The following TMC4 variants were observed in gnomAD, a reference collection of about 807,000 sequenced individuals.
TMC4 encodes voltage-gated chloride channel TMC4.
A neutral mutation model predicts 82.0 loss-of-function variants in TMC4; 70 were observed. The ratio of observed to expected loss-of-function variants is 0.85; its 90% confidence interval spans 0.70 to 1.04. The LOEUF is 1.04. TMC4 is among the 50% of genes least tolerant of loss of function. The probability of loss-of-function intolerance (pLI) is 0.00; values close to 1 mark genes in which losing one functional copy is unlikely to be tolerated. For missense variants in TMC4, 879 were observed against 899.0 expected, an observed-to-expected ratio of 0.98 and a Z score of 0.28; for synonymous variants, 446 against 406.0, an observed-to-expected ratio of 1.10 and a Z score of -1.18.
chr19:54,165,768 G>C (rs1296873521), intron 5 of TMC4, among the ~76,000 whole-genome samples: 2 of 152,118 alleles, frequency 1.3e-5, no homozygotes, highest in African/African-American at 2.4e-5. Flanking sequence ...GAGATTCAGA[G>C]ACAGTTCTGG....
rs114097463 is a variant in TMC4 at position 54,171,570 on chromosome 19, G to T, written c.293+300C>A. On this transcript the variant is annotated intron_variant, in intron 2 of 14. Coordinates refer to ENST00000619895, the MANE Select transcript of TMC4 (RefSeq NM_144686.4). ...AAGCAGAGAGAAATAAATATTAACA[G>T]ATTTTGGACACACACACAGAGAGAA... Among the ~76,000 whole-genome samples the T allele has an allele frequency of 3.6e-3, 555 of 152,318 alleles. 4 individuals are homozygous for T. Among genetic ancestry groups the T allele is most frequent in the African/African-American group, 0.013 (538 of 41,566 alleles).
Position 54,164,590 on chromosome 19 carries a change from C to T in TMC4, c.957G>A (p.Glu319=), listed in dbSNP as rs2146882467. 6.2e-7 allele frequency: 1 copy of T among 1,613,394 alleles called. No homozygotes were observed. The highest frequency in any genetic ancestry group is 8.5e-7 in the Non-Finnish European group (1 of 1,179,988). Residue 319 remains glutamate (E), a synonymous_variant, in exon 7 of 15, where the codon GAG becomes GAA. Coordinates refer to ENST00000619895, the MANE Select transcript of TMC4 (RefSeq NM_144686.4). ...CAGCCTGGCGCCGCACCACTGTCTC[C>T]TCCAGCTCCACCTGAAGGCAGGAGA... ...IILYELKVEL[E]ETVVRRQAAV...
rs1419105308 is a variant in TMC4 at position 54,160,929 on chromosome 19, A to G, written c.1922T>C (p.Leu641Pro). 1 of 1,614,176 alleles carries G rather than the reference A, an allele frequency of 6.2e-7. No individual in the cohort carries two copies. The highest frequency in any genetic ancestry group is 1.7e-5 in the Admixed American group (1 of 60,026). ...AAAAGCCTGGGTCCCCAGGAAGAAG[A>G]GGAAATTCTGGGTGGTCTCAGGGAG... ...SSLPETTQNF[L>P]FFLGTQAFAV... The change falls in exon 13 of 15, where the codon CTC becomes CCC. Residue 641 changes from leucine (L) to proline (P), a missense_variant. Physicochemically the swap from Leu to Pro is moderately conservative, Grantham distance 98 (BLOSUM62 -3). Transcript: ENST00000619895.
At chr19:54,167,853 C>T (rs962073238) in intron 5 of TMC4, among the ~76,000 whole-genome samples, 66 of 151,512 alleles carry the variant, frequency 4.4e-4, no homozygotes, top group Non-Finnish European at 4.4e-5. Context: ...ACGAGGTCAG[C>T]AGTTCAAGAC....
intron 13 of TMC4, 134 bp downstream of exon 13, chr19:54,160,744 G>T: frequency 7.1e-7 from 1 of 1,410,170 alleles, no homozygotes; most frequent in Non-Finnish European, 9.5e-7. Context: ...CAGCAGTCCA[G>T]GAGCCTAGGC....
intron 7 of TMC4, 90 bp from the exon 8 acceptor site, chr19:54,163,977 C>CCTTTT (rs1293150899): frequency 2.9e-6 from 3 of 1,020,146 alleles, no homozygotes; most frequent in African/African-American, 3.8e-5. Flanking sequence ...TCTTCTTCTT[C>CCTTTT]TTTTTTTTTT....
intron 6 of TMC4, 72 bp downstream of exon 6, chr19:54,165,347 G>T: frequency 1.4e-6 from 2 of 1,468,066 alleles, no homozygotes; most frequent in Non-Finnish European, 1.8e-6. Flanking sequence ...CACCGAGTTA[G>T]GCCCTGTGCG....
chr19:54,160,898 C>CA lies in TMC4; in HGVS notation c.1952dup (p.Pro652AlafsTer18). ...CTCACCTGGAGATCAGCAGAAGGGG[C>CA]ACAGCAAAAGCCTGGGTCCCCAGGA... On this transcript the variant is annotated frameshift_variant, in exon 13 of 15. Transcript: ENST00000619895. LOFTEE classifies it high-confidence loss of function. The CA allele has an allele frequency of 6.2e-7, 1 of 1,614,100 alleles. No individual in the cohort carries two copies. The highest frequency in any genetic ancestry group is 8.5e-7 in the Non-Finnish European group (1 of 1,179,992).
At chr19:54,164,733 T>G in intron 6 of TMC4, 132 bp from the exon 7 acceptor site, 1 of 1,214,680 alleles carries the variant, frequency 8.2e-7, no homozygotes, top group Non-Finnish European at 1.2e-6. Context: ...GCTAACAACC[T>G]CTGCAGTCCT....
At chr19:54,160,852 A>G in intron 13 of TMC4, 26 bp downstream of exon 13, 1 of 1,612,028 alleles carries the variant, frequency 6.2e-7, no homozygotes, top group Non-Finnish European at 8.5e-7. Context: ...ATTCAAACCC[A>G]GACCCAGAAG....
At chr19:54,164,784 C>G in intron 6 of TMC4, 183 bp from the exon 7 acceptor site, 1 of 772,566 alleles carries the variant, frequency 1.3e-6, no homozygotes, top group Non-Finnish European at 2.0e-6. Flanking sequence ...CTTTACAGCC[C>G]CGCCCCTTCG....
chr19:54,160,640 C>T (rs902765250), intron 13 of TMC4, 95 bp from the exon 14 acceptor site: 1 of 1,574,950 alleles, frequency 6.3e-7, no homozygotes, highest in Non-Finnish European at 8.6e-7. Context: ...GACGCCTAAG[C>T]CCCTCCTCGT....
intron 2 of TMC4, 55 bp downstream of exon 2, chr19:54,171,815 T>C: frequency 4.0e-6 from 6 of 1,482,562 alleles, no homozygotes; most frequent in Non-Finnish European, 5.4e-6. Flanking sequence ...GTCCAGGGTA[T>C]GGGAGAAGGG....
chr19:54,166,654 C>T (rs150157107), intron 5 of TMC4, among the ~76,000 whole-genome samples: 9 of 152,104 alleles, frequency 5.9e-5, no homozygotes, highest in African/African-American at 1.9e-4. Flanking sequence ...TTTCCCTTCT[C>T]TTAAAATCGA....
intron 2 of TMC4, among the ~76,000 whole-genome samples, chr19:54,170,250 C>G (rs1028054185): frequency 4.0e-5 from 6 of 150,966 alleles, no homozygotes; most frequent in Non-Finnish European, 8.8e-5. Flanking sequence ...GTGGGAGGAT[C>G]GCTTGAGCCC....
At position 54,168,503 on chromosome 19, in the gene TMC4, T is replaced by C. The variant is rs1290174494; in HGVS notation, c.620A>G (p.His207Arg). 1.7e-5 allele frequency: 26 copies of C among 1,543,922 alleles called. No individual in the cohort carries two copies. The South Asian group carries it at 2.5e-4, about 15-fold the overall frequency. The part of the protein sequence containing the change: ...ISSPCGSYNP[H>R]SQGLVTFATQ... The stretch of plus-strand genomic sequence containing the variant: ...GGCAAAGGTGACCAGGCCCTGGGAG[T>C]GGGGGTTATAGGAGCCGCAGGGCGA... The change falls in exon 4 of 15, where the codon CAC (histidine) becomes CGC (arginine). Residue 207 changes from histidine (H) to arginine (R), a missense_variant. By Grantham distance (29) the His-to-Arg change is conservative. Transcript: ENST00000619895.
chr19:54,160,554 G>A lies in TMC4; in HGVS notation c.1974-9C>T. 1 of 1,613,986 alleles carries A rather than the reference G, an allele frequency of 6.2e-7. No individual in the cohort carries two copies. Among genetic ancestry groups the A allele is most frequent in the South Asian group, 1.1e-5 (1 of 91,080 alleles). On this transcript the variant is annotated splice_polypyrimidine_tract_variant and intron_variant, in intron 13 of 14. Transcript: ENST00000619895. ...TGTACGCCATCAGGATGCTGAAGGA[G>A]ACAGGAACGGAAGCCACTCCTGACA...
rs560318419 is a variant in TMC4, at chr19:54,166,028, G to A, written c.798-462C>T. Among the ~76,000 whole-genome samples the A allele has an allele frequency of 3.3e-5, 5 of 152,302 alleles. No homozygotes were observed. The East Asian group carries it at 5.8e-4, about 18-fold the overall frequency. On this transcript the variant is annotated intron_variant, in intron 5 of 14. Transcript: ENST00000619895. ...ACAGGCACACAGAGAAGGGAGCTGC[G>A]GCGGGAAGAGCCGAGAAGAAGACAG...
At chr19:54,171,011 T>C (rs568804771) in intron 2 of TMC4, among the ~76,000 whole-genome samples, 60 of 150,836 alleles carry the variant, frequency 4.0e-4, no homozygotes, top group South Asian at 1.0e-3. Context: ...CTGATCGGTG[T>C]GGGAGTGTTG....
Sources: allele counts gnomAD v4.1 joint callset (sites outside exome capture counted in the v4.1 genomes callset), GRCh38; gene constraint gnomAD v4.1.1; transcripts MANE v1.5; gene names NCBI Gene and HGNC (gene_info 2026-07-23, HGNC 2026-07-21).